The following SPATA31A1 variants were observed in gnomAD, a reference collection of about 807,000 sequenced individuals.
The protein encoded by SPATA31A1 is SPATA31 subfamily A member 1, also known as spermatogenesis-associated protein 31A1.
For missense variants in SPATA31A1, 579 were observed against 1,476.3 expected, an observed-to-expected ratio of 0.39 and a Z score of 9.96; for synonymous variants, 194 against 573.4, an observed-to-expected ratio of 0.34 and a Z score of 9.45.
chr9:39,357,548 G>T (rs1823358994), intron 2 of SPATA31A1: 5 of 641,168 alleles, frequency 7.8e-6, no homozygotes, highest in African/African-American at 1.9e-5. Context: ...CTGTGGGGGT[G>T]GGGGGTCCGT....
At position 39,361,233 on chromosome 9, in the gene SPATA31A1, G is replaced by C; in HGVS notation, c.3468G>C (p.Gln1156His). 3 of 1,611,608 alleles carry C rather than the reference G, an allele frequency of 1.9e-6. No homozygotes were observed. The highest frequency in any genetic ancestry group is 2.5e-6 in the Non-Finnish European group (3 of 1,179,802). The change falls in exon 4 of 4, where the codon CAG (glutamine) becomes CAC (histidine). Residue 1156 changes from glutamine (Q) to histidine (H), a missense_variant. Physicochemically the swap from Gln to His is conservative, Grantham distance 24 (BLOSUM62 0). Coordinates refer to ENST00000377647, the MANE Select transcript of SPATA31A1 (RefSeq NM_001085452.4). ...EGVQLLPSKKQPPSVSHFGGN... is the reference protein window; with the variant it reads ...EGVQLLPSKKHPPSVSHFGGN... ...TCCAGCTACTGCCATCAAAGAAACA[G>C]CCTCCTTCAGTAAGCCACTTTGGAG... is the stretch of plus-strand genomic sequence containing the variant.
Position 39,361,922 on chromosome 9 carries a change from A to C in SPATA31A1, c.*113A>C. The C allele has an allele frequency of 7.9e-7, 1 of 1,261,186 alleles. No homozygotes were observed. Among genetic ancestry groups the C allele is most frequent in the Non-Finnish European group, 1.1e-6 (1 of 909,286 alleles). The allele number at this position is 1,261,186 out of a possible 1,614,324, so 78.1% of individuals were successfully genotyped here. ...TTTCTCTCATGTTAGTACATGCAGA[A>C]CATTTAATATACCACAATATATATG... On this transcript the variant is annotated 3_prime_UTR_variant, in exon 4 of 4. Transcript: ENST00000377647.
chr9:39,358,871 C>A lies in SPATA31A1; in HGVS notation c.1106C>A (p.Ser369Ter). 3.8e-6 allele frequency: 6 copies of A among 1,595,904 alleles called. No homozygotes were observed. The highest frequency in any genetic ancestry group is 5.1e-6 in the Non-Finnish European group (6 of 1,179,700). ...AATTCTTTGCGGAATTTGGCTAAAT[C>A]ATTGGATGCTGAGCAGGACACCACA... Reference protein sequence around the residue: ...HLNSLRNLAKSLDAEQDTTNP... With the variant: ...HLNSLRNLAK The change falls in exon 4 of 4, where the codon TCA (serine) becomes TAA (stop). Residue 369 changes from serine to a stop codon, truncating the protein, a stop_gained. Coordinates refer to ENST00000377647, the MANE Select transcript of SPATA31A1 (RefSeq NM_001085452.4). LOFTEE classifies it low-confidence loss of function (END_TRUNC).
At chr9:39,357,219 A>G in intron 2 of SPATA31A1, 30 bp downstream of exon 2, 2 of 1,608,676 alleles carry the variant, frequency 1.2e-6, no homozygotes, top group Non-Finnish European at 1.7e-6. Context: ...CACTAGAGTT[A>G]ATTTGATCTC....
rs1478444130 is a variant in SPATA31A1, at chr9:39,361,420, G to T, written c.3655G>T (p.Glu1219Ter). The change falls in exon 4 of 4, where the codon GAG becomes TAG. Residue 1219 changes from glutamate (E) to a stop codon, truncating the protein, a stop_gained. Transcript: ENST00000377647. LOFTEE classifies it low-confidence loss of function (END_TRUNC). ...LMTAVGQMLD[E>*]KMSLCHARHA... ...GACGGCAGTTGGACAAATGCTGGAC[G>T]AGAAAATGTCACTTTGCCATGCGCG... The T allele has an allele frequency of 2.5e-6, 4 of 1,613,456 alleles. No individual in the cohort carries two copies. Among genetic ancestry groups the T allele is most frequent in the African/African-American group, 2.7e-5 (2 of 74,688 alleles).
chr9:39,356,668 C>G (rs1284929079), intron 1 of SPATA31A1, among the ~76,000 whole-genome samples: 1 of 22,658 alleles, frequency 4.4e-5, no homozygotes, highest in Non-Finnish European at 7.3e-5. Context: ...TATCGGCTCA[C>G]TGCAACCTCT....
rs763092719 is a variant in SPATA31A1 at position 39,361,100 on chromosome 9, A to C, written c.3335A>C (p.Lys1112Thr). ...TTTCCCCCTATTCACAAGAGTGAGA[A>C]GTCTAGGAAGCCCAACTTAGAAAAA... ...PMFPPIHKSE[K>T]SRKPNLEKHE... Residue 1112 changes from lysine to threonine, a missense_variant, in exon 4 of 4, where the codon AAG becomes ACG. By Grantham distance (78) the Lys-to-Thr change is moderately conservative (BLOSUM62 -1). Transcript: ENST00000377647. The C allele has an allele frequency of 2.5e-6, 4 of 1,611,228 alleles. No homozygotes were observed. In the East Asian group the frequency reaches 8.9e-5, roughly 36 times the overall value.
At position 39,358,709 on chromosome 9, in the gene SPATA31A1, G is replaced by A; in HGVS notation, c.944G>A (p.Gly315Asp). 1.2e-6 allele frequency: 2 copies of A among 1,607,782 alleles called. No individual in the cohort carries two copies. The highest frequency in any genetic ancestry group is 1.1e-5 in the South Asian group (1 of 91,042). The change falls in exon 4 of 4, where the codon GGT (glycine) becomes GAT (aspartate). Residue 315 changes from glycine (G) to aspartate (D), a missense_variant. By Grantham distance (94) the Gly-to-Asp change is moderately conservative. Coordinates refer to ENST00000377647, the MANE Select transcript of SPATA31A1 (RefSeq NM_001085452.4). ...HPPETYQMEA[G>D]SLFLLSSDGQ... Reference sequence around the variant, plus strand: ...CCAGAGACCTACCAGATGGAAGCTGGTAGCCTGTTTTTGCTCAGCTCTGAT... The same window carrying A: ...CCAGAGACCTACCAGATGGAAGCTGATAGCCTGTTTTTGCTCAGCTCTGAT...
In SPATA31A1 at chr9:39,359,240, C is replaced by T; in HGVS notation, c.1475C>T (p.Thr492Ile). Residue 492 changes from threonine to isoleucine, a missense_variant, in exon 4 of 4, where the codon ACA (threonine) becomes ATA (isoleucine). By Grantham distance (89) the Thr-to-Ile change is moderately conservative (BLOSUM62 -1). Coordinates refer to ENST00000377647, the MANE Select transcript of SPATA31A1 (RefSeq NM_001085452.4). Reference protein sequence around the residue: ...FISSTPQFRPTPMAQAEAQAH... With the variant: ...FISSTPQFRPIPMAQAEAQAH... ...TCATCCACACCCCAATTCCGGCCCACACCTATGGCTCAGGCCGAGGCTCAG... is the reference window on the plus strand; with the variant it reads ...TCATCCACACCCCAATTCCGGCCCATACCTATGGCTCAGGCCGAGGCTCAG... 6.2e-7 allele frequency: 1 copy of T among 1,611,574 alleles called. No homozygotes were observed. Among genetic ancestry groups the T allele is most frequent in the Non-Finnish European group, 8.5e-7 (1 of 1,179,810 alleles).
At position 39,355,722 on chromosome 9, in the gene SPATA31A1, C is replaced by T. The variant is rs1434447365; in HGVS notation, c.-9C>T. The T allele has an allele frequency of 3.9e-6, 2 of 514,330 alleles. No individual in the cohort carries two copies. The highest frequency in any genetic ancestry group is 3.6e-5 in the East Asian group (1 of 27,522). 31.9% of individuals were successfully genotyped at this position (514,330 alleles called of 1,614,324 possible). ...AGCTCAGTTGCTTGAAAGCAACGCG[C>T]CTATTCACATGGAGAATCTTCCCTT... On this transcript the variant is annotated 5_prime_UTR_variant, in exon 1 of 4. Coordinates refer to ENST00000377647, the MANE Select transcript of SPATA31A1 (RefSeq NM_001085452.4).
Position 39,361,873 on chromosome 9 carries a change from T to C in SPATA31A1, c.*64T>C. ...GAAAAAGAAGTCCCCAAGAAAAAAT[T>C]CACTCTATGTAGAGAAAAAATATTT... is the stretch of plus-strand genomic sequence containing the variant. On this transcript the variant is annotated 3_prime_UTR_variant, in exon 4 of 4. Coordinates refer to ENST00000377647, the MANE Select transcript of SPATA31A1 (RefSeq NM_001085452.4). 2 of 1,605,082 alleles carry C rather than the reference T, an allele frequency of 1.2e-6. No homozygotes were observed. Among genetic ancestry groups the C allele is most frequent in the Non-Finnish European group, 1.7e-6 (2 of 1,178,170 alleles).
At position 39,358,865 on chromosome 9, in the gene SPATA31A1, C is replaced by T; in HGVS notation, c.1100C>T (p.Ala367Val). 1 of 1,595,956 alleles carries T rather than the reference C, an allele frequency of 6.3e-7. No individual in the cohort carries two copies. The highest frequency in any genetic ancestry group is 8.5e-7 in the Non-Finnish European group (1 of 1,179,712). ...EKHLNSLRNL[A>V]KSLDAEQDTT... ...CACTTAAATTCTTTGCGGAATTTGG[C>T]TAAATCATTGGATGCTGAGCAGGAC... Residue 367 changes from alanine to valine, a missense_variant, in exon 4 of 4, where the codon GCT becomes GTT. Physicochemically the swap from Ala to Val is moderately conservative, Grantham distance 64. Coordinates refer to ENST00000377647, the MANE Select transcript of SPATA31A1 (RefSeq NM_001085452.4).
chr9:39,357,259 A>G (rs2118416023), intron 2 of SPATA31A1, 70 bp downstream of exon 2: 1 of 1,601,880 alleles, frequency 6.2e-7, no homozygotes, highest in South Asian at 1.1e-5. Flanking sequence ...GACTCTGAAG[A>G]AGTCAGTTGA....
rs201386587 is a variant in SPATA31A1 at position 39,356,482 on chromosome 9, CTGTG to C, written c.189+591_189+594del. On this transcript the variant is annotated intron_variant, in intron 1 of 3. Coordinates refer to ENST00000377647, the MANE Select transcript of SPATA31A1 (RefSeq NM_001085452.4). Reference sequence around the variant, plus strand: ...GGTGGACCTCATATTGAAAATCCCTCTGTGTGTGTGTGTGTGTGTGTGTGTGTGT... The same window carrying C: ...GGTGGACCTCATATTGAAAATCCCTCTGTGTGTGTGTGTGTGTGTGTGTGT... Among the ~76,000 whole-genome samples, 788 of 123,814 alleles carry C rather than the reference CTGTG, an allele frequency of 6.4e-3. 11 individuals are homozygous for C. The highest frequency in any genetic ancestry group is 0.02 in the African/African-American group (644 of 32,468). The allele number at this position is 123,814 out of a possible 152,430, so 81.2% of individuals were successfully genotyped here.
chr9:39,361,062 C>T lies in SPATA31A1; in HGVS notation c.3297C>T (p.Asn1099=), dbSNP rs1823454616. 6.2e-7 allele frequency: 1 copy of T among 1,610,748 alleles called. No homozygotes were observed. The highest frequency in any genetic ancestry group is 1.3e-5 in the African/African-American group (1 of 74,266). ...CAAACTGTCAAGGCTCATGCAAGAA[C>T]CAAAGGCCAATGTTTCCCCCTATTC... ...RNPNCQGSCK[N]QRPMFPPIHK... Residue 1099 remains asparagine (N), a synonymous_variant, in exon 4 of 4, where the codon AAC becomes AAT. Coordinates refer to ENST00000377647, the MANE Select transcript of SPATA31A1 (RefSeq NM_001085452.4).
In SPATA31A1 at chr9:39,361,061, A is replaced by C. The variant is rs76565485; in HGVS notation, c.3296A>C (p.Asn1099Thr). 10 of 1,590,184 alleles carry C rather than the reference A, an allele frequency of 6.3e-6. No homozygotes were observed. The highest frequency in any genetic ancestry group is 7.7e-6 in the Non-Finnish European group (9 of 1,162,440). ...CCAAACTGTCAAGGCTCATGCAAGAACCAAAGGCCAATGTTTCCCCCTATT... is the reference window on the plus strand; with the variant it reads ...CCAAACTGTCAAGGCTCATGCAAGACCCAAAGGCCAATGTTTCCCCCTATT... ...RNPNCQGSCK[N>T]QRPMFPPIHK... Residue 1099 changes from asparagine to threonine, a missense_variant, in exon 4 of 4, where the codon AAC becomes ACC. Transcript: ENST00000377647.
At position 39,361,713 on chromosome 9, in the gene SPATA31A1, C is replaced by T. The variant is rs1823473637; in HGVS notation, c.3948C>T (p.Ser1316=). 9.9e-6 allele frequency: 16 copies of T among 1,612,332 alleles called. No homozygotes were observed. The South Asian group carries it at 1.4e-4, about 14-fold the overall frequency. The change falls in exon 4 of 4, where the codon TCC becomes TCT. Residue 1316 remains serine, a synonymous_variant. Transcript: ENST00000377647. ...PQILHPKKAV[S]PVSPLQHWPK... is the part of the protein sequence containing the mutation. ...TCTTGCACCCCAAGAAAGCTGTATC[C>T]CCAGTCAGTCCCCTTCAGCACTGGC... is the stretch of plus-strand genomic sequence containing the variant.
In SPATA31A1 at chr9:39,355,674, C is replaced by T. The variant is rs1473459537; in HGVS notation, c.-57C>T. Reference sequence around the variant, plus strand: ...GTGACGCAGGCCTGGGCCCCAGTCCCTAGTCCCCACGGGGATGCCCAGAGC... The same window carrying T: ...GTGACGCAGGCCTGGGCCCCAGTCCTTAGTCCCCACGGGGATGCCCAGAGC... On this transcript the variant is annotated 5_prime_UTR_variant, in exon 1 of 4. Coordinates refer to ENST00000377647, the MANE Select transcript of SPATA31A1 (RefSeq NM_001085452.4). 6 of 552,628 alleles carry T rather than the reference C, an allele frequency of 1.1e-5. No homozygotes were observed. In the African/African-American group the frequency reaches 1.3e-4, roughly 12 times the overall value. The allele number at this position is 552,628 out of a possible 1,614,324, so 34.2% of individuals were successfully genotyped here. A position where few individuals can be genotyped will look rare whatever the true frequency, so the allele number is the denominator to read the frequency against.
Position 39,358,502 on chromosome 9 carries a change from C to T in SPATA31A1, c.737C>T (p.Pro246Leu), listed in dbSNP as rs2118422357. ...TCTCACTGTGACTCAGTGGCACTTC[C>T]ACTGGGCACCGTCCCTCAAAGCTTG... Reference protein sequence around the residue: ...TPSHCDSVALPLGTVPQSLSP... With the variant: ...TPSHCDSVALLLGTVPQSLSP... Residue 246 changes from proline to leucine, a missense_variant, in exon 4 of 4, where the codon CCA becomes CTA. Transcript: ENST00000377647. The T allele has an allele frequency of 6.3e-7, 1 of 1,575,852 alleles. No individual in the cohort carries two copies. The highest frequency in any genetic ancestry group is 2.3e-5 in the East Asian group (1 of 44,266).
Sources: gnomAD v4.1 joint callset for allele counts (sites outside exome capture counted in the v4.1 genomes callset) on GRCh38, gnomAD v4.1.1 for gene constraint, MANE v1.5 for transcripts, NCBI Gene and HGNC (gene_info 2026-07-23, HGNC 2026-07-21) for gene names.